The following FANCL variants were observed in gnomAD, a reference collection of about 807,000 sequenced individuals.
The protein encoded by FANCL is FA complementation group L, also known as E3 ubiquitin-protein ligase FANCL.
Under a neutral mutation model 59.4 loss-of-function variants are expected in FANCL, and 69 were observed. The observed-to-expected ratio is 1.16, with a 90% CI of 0.96 to 1.42. The LOEUF is 1.42. Ranked by LOEUF, FANCL falls within the 40% of genes most tolerant of loss-of-function variation. The pLI, the probability that FANCL is intolerant of heterozygous loss-of-function variation, is 0.00. For synonymous variants in FANCL, 180 were observed against 147.1 expected (o/e 1.22, Z -1.62); for missense variants, 519 against 447.2 (o/e 1.16, Z -1.45).
intron 7 of FANCL, among the ~76,000 whole-genome samples, chr2:58,171,774 C>G (rs1458003222): frequency 6.6e-6 from 1 of 152,218 alleles, no homozygotes; most frequent in South Asian, 2.1e-4. Flanking sequence ...GGGTGCAGTG[C>G]ACCATGCGCG....
intron 5 of FANCL, among the ~76,000 whole-genome samples, chr2:58,205,195 T>A (rs1302947305): frequency 1.3e-5 from 2 of 152,156 alleles, no homozygotes; most frequent in Non-Finnish European, 2.9e-5. Context: ...GCCATTTAGA[T>A]ACTGACCAGG....
chr2:58,220,403 T>G (rs749523723), intron 5 of FANCL, among the ~76,000 whole-genome samples: 21 of 120,956 alleles, frequency 1.7e-4, no homozygotes, highest in Non-Finnish European at 1.8e-4. Context: ...AGGGAAAAAA[T>G]TGATCTACAC....
At chr2:58,160,248 T>A (rs994983497) in intron 12 of FANCL, 69 bp from the exon 13 acceptor site, 1 of 1,487,610 alleles carries the variant, frequency 6.7e-7, no homozygotes, top group Non-Finnish European at 9.4e-7. Flanking sequence ...CAAATGTCAT[T>A]CCCTTTGTTT....
At chr2:58,240,192 T>A (rs890248495) in intron 1 of FANCL, among the ~76,000 whole-genome samples, 1 of 152,084 alleles carries the variant, frequency 6.6e-6, no homozygotes, top group Non-Finnish European at 1.5e-5. Context: ...TTCAGCTAGG[T>A]AATTCAAGAA....
In FANCL at chr2:58,159,313, C is replaced by A; in HGVS notation, c.*452G>T. The stretch of plus-strand genomic sequence containing the variant: ...AAATAAATACTTGGATAACTCACGT[C>A]TAACAAACTAAACTATATATGTATT... On this transcript the variant is annotated 3_prime_UTR_variant, in exon 14 of 14. Coordinates refer to ENST00000233741, the MANE Select transcript of FANCL (RefSeq NM_018062.4). 6.7e-7 allele frequency: 1 copy of A among 1,493,116 alleles called. No individual in the cohort carries two copies. The highest frequency in any genetic ancestry group is 1.3e-5 in the South Asian group (1 of 76,528). The allele number at this position is 1,493,116 out of a possible 1,614,324, so 92.5% of individuals were successfully genotyped here.
chr2:58,170,877 G>C (rs141957751), intron 7 of FANCL, among the ~76,000 whole-genome samples: 1,769 of 152,194 alleles, frequency 0.012, 29 homozygotes, highest in African/African-American at 0.04. Context: ...CATAAAGCAA[G>C]TTCTCAGAGA....
At chr2:58,213,029 T>C (rs886682154) in intron 5 of FANCL, among the ~76,000 whole-genome samples, 1 of 152,232 alleles carries the variant, frequency 6.6e-6, no homozygotes, top group Non-Finnish European at 1.5e-5. Context: ...ACCAAATATG[T>C]AATTTAAAAA....
chr2:58,177,503 T>C (rs1377532109), intron 7 of FANCL, among the ~76,000 whole-genome samples: 3 of 151,110 alleles, frequency 2.0e-5, no homozygotes, highest in Admixed American at 1.3e-4. Context: ...AAACTGGAAA[T>C]CATCATTCTC....
chr2:58,210,137 T>C (rs1690987592), intron 5 of FANCL, among the ~76,000 whole-genome samples: 1 of 152,224 alleles, frequency 6.6e-6, no homozygotes, highest in African/African-American at 2.4e-5. Flanking sequence ...CATATGATTA[T>C]TACAATAAAT....
At chr2:58,201,010 A>G (rs1689958355) in intron 6 of FANCL, among the ~76,000 whole-genome samples, 1 of 151,150 alleles carries the variant, frequency 6.6e-6, no homozygotes, top group Non-Finnish European at 1.5e-5. Flanking sequence ...CAGAGCTTAA[A>G]AAGAACATTT....
intron 7 of FANCL, among the ~76,000 whole-genome samples, chr2:58,185,819 G>C (rs977754614): frequency 6.6e-6 from 1 of 152,156 alleles, no homozygotes. Flanking sequence ...TTAGTTCCAT[G>C]ACTAGGGAAT....
chr2:58,202,338 A>G (rs563505648), intron 6 of FANCL, among the ~76,000 whole-genome samples: 2 of 147,620 alleles, frequency 1.4e-5, no homozygotes, highest in Admixed American at 1.4e-4. Context: ...GAACTTGTTT[A>G]TTCTACTTAT....
At chr2:58,215,546 C>G (rs1033755579) in intron 5 of FANCL, among the ~76,000 whole-genome samples, 2 of 151,970 alleles carry the variant, frequency 1.3e-5, no homozygotes, top group African/African-American at 4.8e-5. Flanking sequence ...CTAAACTGAC[C>G]AGGCCTTGAA....
intron 4 of FANCL, among the ~76,000 whole-genome samples, chr2:58,223,530 G>C (rs1692687945): frequency 6.6e-6 from 1 of 151,880 alleles, no homozygotes; most frequent in South Asian, 2.1e-4. Flanking sequence ...TCTATTCTGA[G>C]TCAGGTAAGT....
intron 7 of FANCL, among the ~76,000 whole-genome samples, chr2:58,167,641 A>G (rs1056809700): frequency 5.3e-5 from 8 of 152,254 alleles, no homozygotes; most frequent in African/African-American, 1.9e-4. Flanking sequence ...TAATAAGAAA[A>G]TAGCCAAAAA....
At chr2:58,234,177 C>T (rs1436684572) in intron 1 of FANCL, among the ~76,000 whole-genome samples, 2 of 151,964 alleles carry the variant, frequency 1.3e-5, no homozygotes, top group African/African-American at 4.8e-5. Flanking sequence ...CAGGTGATAA[C>T]AGACTCCATG....
intron 5 of FANCL, among the ~76,000 whole-genome samples, chr2:58,220,150 G>T (rs1258528893): frequency 6.6e-6 from 1 of 152,218 alleles, no homozygotes; most frequent in Non-Finnish European, 1.5e-5. Context: ...TTTAACAGTT[G>T]AAATCCGAGG....
intron 7 of FANCL, among the ~76,000 whole-genome samples, chr2:58,185,665 G>A (rs1344259014): frequency 6.6e-6 from 1 of 152,074 alleles, no homozygotes; most frequent in Non-Finnish European, 1.5e-5. Context: ...GGACAGGGTT[G>A]GTTATTCTTG....
intron 1 of FANCL, among the ~76,000 whole-genome samples, chr2:58,234,529 G>A (rs1168820578): frequency 6.6e-6 from 1 of 151,682 alleles, no homozygotes; most frequent in Non-Finnish European, 1.5e-5. Context: ...AAAAAGTCCA[G>A]AGTACATATA....
Sources: allele counts gnomAD v4.1 joint callset (sites outside exome capture counted in the v4.1 genomes callset), GRCh38; gene constraint gnomAD v4.1.1; transcripts MANE v1.5; gene names NCBI Gene and HGNC (gene_info 2026-07-23, HGNC 2026-07-21).